NCOA3: variants seen among roughly 807,000 people sequenced by gnomAD.
The protein encoded by NCOA3 is nuclear receptor coactivator 3, also known as CBP-interacting protein.
Under a neutral mutation model 158.8 loss-of-function variants are expected in NCOA3, and 51 were observed. The ratio of observed to expected loss-of-function variants is 0.32; its 90% confidence interval spans 0.26 to 0.41. The LOEUF is 0.41. Among genes scored for constraint, NCOA3 ranks in the 10% least tolerant of loss-of-function variants. The probability of loss-of-function intolerance (pLI) is 1.00; values close to 1 mark genes in which losing one functional copy is unlikely to be tolerated. For synonymous variants in NCOA3, 537 were observed against 592.4 expected (o/e 0.91, Z 1.36); for missense variants, 1,510 against 1,746.6 (o/e 0.86, Z 2.41).
At chr20:47,602,816 C>T (rs889395382) in intron 2 of NCOA3, among the ~76,000 whole-genome samples, 14 of 152,172 alleles carry the variant, frequency 9.2e-5, no homozygotes, top group Admixed American at 7.2e-4. Context: ...AAATAGCTCT[C>T]TCTTAATTTT....
At chr20:47,624,333 T>A (rs774025967) in intron 4 of NCOA3, among the ~76,000 whole-genome samples, 1 of 152,236 alleles carries the variant, frequency 6.6e-6, no homozygotes, top group Non-Finnish European at 1.5e-5. Context: ...TTCCTGCAGC[T>A]AGATGGATCC....
At chr20:47,613,959 T>G (rs1185951336) in intron 2 of NCOA3, among the ~76,000 whole-genome samples, 1 of 151,890 alleles carries the variant, frequency 6.6e-6, no homozygotes, top group African/African-American at 2.4e-5. Context: ...CCTACTTATC[T>G]CCTCACAGCT....
chr20:47,555,440 A>T (rs971389872), intron 1 of NCOA3, among the ~76,000 whole-genome samples: 2 of 152,094 alleles, frequency 1.3e-5, no homozygotes, highest in African/African-American at 2.4e-5. Flanking sequence ...TCATTTGTAA[A>T]TCAAGGTATT....
At chr20:47,562,115 GA>G (rs1178623133) in intron 1 of NCOA3, among the ~76,000 whole-genome samples, 1 of 152,016 alleles carries the variant, frequency 6.6e-6, no homozygotes, top group Non-Finnish European at 1.5e-5. Context: ...TTACAGTGCT[GA>G]ATGAGATTCC....
At chr20:47,643,302 AGTT>A (rs948363067) in intron 17 of NCOA3, among the ~76,000 whole-genome samples, 1 of 152,220 alleles carries the variant, frequency 6.6e-6, no homozygotes, top group African/African-American at 2.4e-5. Flanking sequence ...AGGGGCTGTC[AGTT>A]GTTGTTGGGG....
At chr20:47,507,827 C>G (rs986747411) in intron 1 of NCOA3, among the ~76,000 whole-genome samples, 2 of 152,146 alleles carry the variant, frequency 1.3e-5, no homozygotes, top group African/African-American at 4.8e-5. Context: ...CCATGTGGGT[C>G]AGGCTGGTCT....
chr20:47,641,643 C>T (rs1282983859), intron 16 of NCOA3, among the ~76,000 whole-genome samples: 1 of 151,098 alleles, frequency 6.6e-6, no homozygotes, highest in Admixed American at 6.6e-5. Context: ...GGGCTACAGG[C>T]GCTCACCACC....
chr20:47,596,077 C>T (rs2085750831), intron 2 of NCOA3, among the ~76,000 whole-genome samples: 1 of 152,174 alleles, frequency 6.6e-6, no homozygotes, highest in Non-Finnish European at 1.5e-5. Context: ...GAACCCACTC[C>T]TTGAACTGAA....
At chr20:47,590,952 C>T (rs1487869183) in intron 2 of NCOA3, among the ~76,000 whole-genome samples, 2 of 151,578 alleles carry the variant, frequency 1.3e-5, no homozygotes, top group Non-Finnish European at 1.5e-5. Context: ...CTACTAAAAA[C>T]GTAAAAATTA....
At chr20:47,572,646 C>T (rs779141181) in intron 1 of NCOA3, among the ~76,000 whole-genome samples, 1 of 152,008 alleles carries the variant, frequency 6.6e-6, no homozygotes, top group Non-Finnish European at 1.5e-5. Context: ...AAGTGATTCT[C>T]CTGCCTTAGC....
intron 2 of NCOA3, among the ~76,000 whole-genome samples, chr20:47,585,524 A>C (rs1283286326): frequency 1.3e-5 from 2 of 152,098 alleles, no homozygotes; most frequent in Non-Finnish European, 2.9e-5. Flanking sequence ...ACTCTGATTC[A>C]TTTGGTAAGC....
intron 2 of NCOA3, among the ~76,000 whole-genome samples, chr20:47,607,508 A>C (rs1349902345): frequency 1.3e-5 from 2 of 152,210 alleles, no homozygotes; most frequent in Non-Finnish European, 2.9e-5. Flanking sequence ...TTTCAGCTGA[A>C]GATGATATTT....
At chr20:47,606,240 A>G (rs1415502482) in intron 2 of NCOA3, among the ~76,000 whole-genome samples, 1 of 152,226 alleles carries the variant, frequency 6.6e-6, no homozygotes, top group African/African-American at 2.4e-5. Flanking sequence ...GTGGCTCTCA[A>G]CGTGTGGTGC....
rs1197733797 is a variant in NCOA3 at position 47,511,526 on chromosome 20, T to G, written c.-99+9507T>G. Reference sequence around the variant, plus strand: ...GCTGAGATATGTATCTCTCTCGAGATATATATATATATATATATATATATA... The same window carrying G: ...GCTGAGATATGTATCTCTCTCGAGAGATATATATATATATATATATATATA... On this transcript the variant is annotated intron_variant, in intron 1 of 22. Coordinates refer to ENST00000371998, the MANE Select transcript of NCOA3 (RefSeq NM_181659.3). Among the ~76,000 whole-genome samples, 7 of 5,258 alleles carry G rather than the reference T, an allele frequency of 1.3e-3. No homozygotes were observed. The Non-Finnish European group carries it at 0.038, about 28-fold the overall frequency. The allele number at this position is 5,258 out of a possible 152,430, so 3.4% of individuals were successfully genotyped here.
intron 2 of NCOA3, among the ~76,000 whole-genome samples, chr20:47,611,439 C>T (rs2146278469): frequency 6.6e-6 from 1 of 152,244 alleles, no homozygotes; most frequent in South Asian, 2.1e-4. Flanking sequence ...ATACTTATGT[C>T]TGTCAAAGGA....
chr20:47,513,524 G>A (rs941578190), intron 1 of NCOA3, among the ~76,000 whole-genome samples: 4 of 152,046 alleles, frequency 2.6e-5, no homozygotes, highest in Admixed American at 6.6e-5. Flanking sequence ...CCAGGAGTTT[G>A]AGACCAGCCT....
chr20:47,562,192 A>G (rs954345665), intron 1 of NCOA3, among the ~76,000 whole-genome samples: 5 of 152,226 alleles, frequency 3.3e-5, no homozygotes, highest in Non-Finnish European at 5.9e-5. Context: ...TTTAGCAATT[A>G]TGAATAAAGC....
At chr20:47,519,122 C>T (rs1437768422) in intron 1 of NCOA3, among the ~76,000 whole-genome samples, 7 of 143,840 alleles carry the variant, frequency 4.9e-5, no homozygotes, top group African/African-American at 1.3e-4. Context: ...GGTGACAGAG[C>T]GAGACTCCAT....
chr20:47,529,064 G>C (rs1471078342), intron 1 of NCOA3, among the ~76,000 whole-genome samples: 1 of 151,458 alleles, frequency 6.6e-6, no homozygotes, highest in African/African-American at 2.4e-5. Context: ...ACTGTGCCTG[G>C]CTGGACACTT....
Sources: allele counts gnomAD v4.1 joint callset (sites outside exome capture counted in the v4.1 genomes callset), GRCh38; gene constraint gnomAD v4.1.1; transcripts MANE v1.5; gene names NCBI Gene and HGNC (gene_info 2026-07-23, HGNC 2026-07-21).